Variants in DLG2 observed in about 807,000 individuals in gnomAD.
The protein encoded by DLG2 is disks large homolog 2.
In DLG2, 45 loss-of-function variants were observed where a neutral mutation model predicts 132.5. That is an observed-to-expected ratio of 0.34 (90% CI 0.27 to 0.44). The LOEUF (loss-of-function observed/expected upper bound fraction) is 0.44. Ranked by LOEUF, DLG2 falls within the 20% of genes least tolerant of loss-of-function variation. The pLI is 1.00. For synonymous variants in DLG2, 424 were observed against 419.6 expected (o/e 1.01, Z -0.13); for missense variants, 1,045 against 1,196.9 (o/e 0.87, Z 1.87).
chr11:85,013,782 A>G (rs1347398622), intron 6 of DLG2, among the ~76,000 whole-genome samples: 1 of 152,170 alleles, frequency 6.6e-6, no homozygotes, highest in Non-Finnish European at 1.5e-5. Context: ...AAATCTAGTG[A>G]AAAAAATCTA....
At chr11:85,142,407 T>C (rs2076553840) in intron 5 of DLG2, among the ~76,000 whole-genome samples, 1 of 151,826 alleles carries the variant, frequency 6.6e-6, no homozygotes, top group African/African-American at 2.4e-5. Flanking sequence ...TATGTTGATT[T>C]TGTATCCTGC....
At chr11:85,170,491 G>T (rs1176266717) in intron 4 of DLG2, among the ~76,000 whole-genome samples, 1 of 152,060 alleles carries the variant, frequency 6.6e-6, no homozygotes, top group African/African-American at 2.4e-5. Flanking sequence ...AAAATAGTGG[G>T]GAAAGGTGAA....
intron 7 of DLG2, among the ~76,000 whole-genome samples, chr11:84,276,994 T>G (rs941673321): frequency 6.6e-6 from 1 of 152,186 alleles, no homozygotes; most frequent in Non-Finnish European, 1.5e-5. Flanking sequence ...TTTCTAATTC[T>G]TATAGCCTTT....
chr11:84,472,157 A>G (rs1013719907), intron 7 of DLG2, among the ~76,000 whole-genome samples: 1 of 151,850 alleles, frequency 6.6e-6, no homozygotes, highest in Non-Finnish European at 1.5e-5. Flanking sequence ...TCGTATTGCT[A>G]TCTTATGGCT....
At chr11:84,116,934 C>T (rs1299488862) in intron 9 of DLG2, among the ~76,000 whole-genome samples, 1 of 152,102 alleles carries the variant, frequency 6.6e-6, no homozygotes, top group Non-Finnish European at 1.5e-5. Context: ...CTTTGCTTTC[C>T]AACGCCTATT....
At chr11:84,773,978 G>C (rs948267014) in intron 6 of DLG2, among the ~76,000 whole-genome samples, 1 of 151,868 alleles carries the variant, frequency 6.6e-6, no homozygotes, top group Non-Finnish European at 1.5e-5. Context: ...CAACCAAATA[G>C]GAAAAGAAGT....
rs531054070 is a variant in DLG2, at chr11:84,465,099, C to A, written c.519+69471G>T. Among the ~76,000 whole-genome samples, 3 of 151,038 alleles carry A rather than the reference C, an allele frequency of 2.0e-5. No homozygotes were observed. The East Asian group carries it at 5.9e-4, about 30-fold the overall frequency. ...AGTAAATTTAATTCAAATAATAAAC[C>A]GTCACACACTTGATTCACTTCCATT... On this transcript the variant is annotated intron_variant, in intron 7 of 27. Coordinates refer to ENST00000376104, the MANE Select transcript of DLG2 (RefSeq NM_001142699.3).
In DLG2 at chr11:85,411,741, G is replaced by C. The variant is rs185151608; in HGVS notation, c.41-126376C>G. Among the ~76,000 whole-genome samples, 21 of 151,932 alleles carry C rather than the reference G, an allele frequency of 1.4e-4. 1 individual carries two copies. Among genetic ancestry groups the C allele is most frequent in the African/African-American group, 4.1e-4 (17 of 41,528 alleles). ...GTGATAAGCGGTGTTGAGGAAAATA[G>C]TGATTTTAGCCTCATGGAAGAATTA... On this transcript the variant is annotated intron_variant, in intron 3 of 27. Coordinates refer to ENST00000376104, the MANE Select transcript of DLG2 (RefSeq NM_001142699.3).
chr11:84,393,946 C>T (rs1056848882), intron 7 of DLG2, among the ~76,000 whole-genome samples: 3 of 152,036 alleles, frequency 2.0e-5, no homozygotes, highest in African/African-American at 7.2e-5. Context: ...AGTGCAGAGG[C>T]GTGATCTTGG....
intron 7 of DLG2, among the ~76,000 whole-genome samples, chr11:84,338,705 C>G (rs1018428911): frequency 3.9e-5 from 6 of 152,076 alleles, no homozygotes; most frequent in African/African-American, 1.2e-4. Context: ...ACACGGGAGG[C>G]TGAGGCAGGA....
intron 7 of DLG2, among the ~76,000 whole-genome samples, chr11:84,461,055 G>A (rs776838617): frequency 2.0e-5 from 3 of 150,746 alleles, no homozygotes; most frequent in Non-Finnish European, 4.5e-5. Context: ...ATTTCTGGTA[G>A]TTCACAAACT....
At chr11:84,643,929 A>G (rs1282354494) in intron 6 of DLG2, among the ~76,000 whole-genome samples, 1 of 152,208 alleles carries the variant, frequency 6.6e-6, no homozygotes, top group African/African-American at 2.4e-5. Flanking sequence ...TCTGATCCTT[A>G]TAATCACCCA....
At chr11:84,140,113 CA>C (rs2094778036) in intron 9 of DLG2, among the ~76,000 whole-genome samples, 1 of 151,788 alleles carries the variant, frequency 6.6e-6, no homozygotes, top group African/African-American at 2.4e-5. Flanking sequence ...TAAAATAAAA[CA>C]AAAAAACCAC....
chr11:85,478,683 T>C (rs1195449116), intron 3 of DLG2, among the ~76,000 whole-genome samples: 1 of 152,194 alleles, frequency 6.6e-6, no homozygotes, highest in Admixed American at 6.5e-5. Flanking sequence ...TAGGATTTCA[T>C]AATAATATGT....
intron 6 of DLG2, among the ~76,000 whole-genome samples, chr11:85,002,314 GTATTA>G (rs1050896445): frequency 1.3e-5 from 2 of 152,074 alleles, no homozygotes; most frequent in Non-Finnish European, 2.9e-5. Context: ...AAAAAGAAAG[GTATTA>G]CAAAAATGTC....
At chr11:83,801,417 G>A (rs555511849) in intron 17 of DLG2, among the ~76,000 whole-genome samples, 3 of 152,176 alleles carry the variant, frequency 2.0e-5, no homozygotes, top group African/African-American at 7.2e-5. Context: ...GACTTTGAAT[G>A]AAATTCAAAC....
intron 14 of DLG2, among the ~76,000 whole-genome samples, chr11:83,935,021 T>C (rs181245560): frequency 6.6e-6 from 1 of 152,352 alleles, no homozygotes; most frequent in East Asian, 1.9e-4. Flanking sequence ...TAGACTGATA[T>C]GGCTAAATCT....
At chr11:84,277,174 T>C (rs964585042) in intron 7 of DLG2, among the ~76,000 whole-genome samples, 8 of 152,018 alleles carry the variant, frequency 5.3e-5, no homozygotes, top group Middle Eastern at 3.2e-3. Flanking sequence ...ATAGAACAAA[T>C]AGAAAATCTG....
At chr11:83,987,993 T>C (rs1322124622) in intron 11 of DLG2, among the ~76,000 whole-genome samples, 2 of 152,164 alleles carry the variant, frequency 1.3e-5, no homozygotes, top group Non-Finnish European at 2.9e-5. Flanking sequence ...TTTGTTTTTT[T>C]CTTGTAAATT....
Sources: gnomAD v4.1 joint callset for allele counts (sites outside exome capture counted in the v4.1 genomes callset) on GRCh38, gnomAD v4.1.1 for gene constraint, MANE v1.5 for transcripts, NCBI Gene and HGNC (gene_info 2026-07-23, HGNC 2026-07-21) for gene names.